Variants in DDAH1 observed in about 807,000 individuals in gnomAD.
DDAH1 encodes N(G),N(G)-dimethylarginine dimethylaminohydrolase 1.
DDAH1 carries 19 observed loss-of-function variants against 28.8 expected under a neutral mutation model. That is an observed-to-expected ratio of 0.66 (90% CI 0.46 to 0.97). The LOEUF (loss-of-function observed/expected upper bound fraction) is 0.97. Ranked by LOEUF, DDAH1 falls within the 50% of genes least tolerant of loss-of-function variation. The pLI is 0.00. For synonymous variants in DDAH1, 153 were observed against 154.4 expected (o/e 0.99, Z 0.07); for missense variants, 326 against 375.9 (o/e 0.87, Z 1.10).
chr1:85,431,263 G>T (rs1372423202), intron 1 of DDAH1, among the ~76,000 whole-genome samples: 1 of 152,120 alleles, frequency 6.6e-6, no homozygotes, highest in Non-Finnish European at 1.5e-5. Flanking sequence ...TGGTGGATAA[G>T]CTTTTTGATG....
chr1:85,450,912 T>C (rs756620740), intron 1 of DDAH1, among the ~76,000 whole-genome samples: 11 of 152,218 alleles, frequency 7.2e-5, no homozygotes, highest in Non-Finnish European at 1.3e-4. Context: ...CTCTAAGTAT[T>C]CATTCACTTA....
At chr1:85,538,190 A>T (rs370862772) in intron 1 of DDAH1, among the ~76,000 whole-genome samples, 7,764 of 152,334 alleles carry the variant, frequency 0.051, 305 homozygotes, top group African/African-American at 0.11. Context: ...AATGCATTCA[A>T]CATAAGTTAT....
chr1:85,393,654 C>T (rs1448448177), intron 1 of DDAH1, among the ~76,000 whole-genome samples: 2 of 152,188 alleles, frequency 1.3e-5, no homozygotes, highest in Non-Finnish European at 2.9e-5. Flanking sequence ...ATTCACATAA[C>T]AAACCTTAAC....
chr1:85,377,424 ATGGCATCAAATGAG>A (rs1363489907), intron 1 of DDAH1, among the ~76,000 whole-genome samples: 1 of 152,116 alleles, frequency 6.6e-6, no homozygotes, highest in Non-Finnish European at 1.5e-5. Context: ...TCATCATTTC[ATGGCATCAAATGAG>A]GAGCCATCTG....
At chr1:85,564,343 A>T (rs1557765315) in intron 1 of DDAH1, among the ~76,000 whole-genome samples, 1 of 152,218 alleles carries the variant, frequency 6.6e-6, no homozygotes, top group East Asian at 1.9e-4. Flanking sequence ...AAAAGTAAAA[A>T]ACAAAGAGAG....
rs577112315 is a variant in DDAH1, at chr1:85,334,178, C to A, written c.598-9295G>T. Reference sequence around the variant, plus strand: ...ATGGTTTGATAAGTGTTTGGTAGTTCCTCCTGCATTCATTCTCCTTCCTGC... The same window carrying A: ...ATGGTTTGATAAGTGTTTGGTAGTTACTCCTGCATTCATTCTCCTTCCTGC... On this transcript the variant is annotated intron_variant, in intron 4 of 5. Coordinates refer to ENST00000284031, the MANE Select transcript of DDAH1 (RefSeq NM_012137.4). Among the ~76,000 whole-genome samples the A allele has an allele frequency of 8.2e-4, 125 of 152,224 alleles. 1 individual carries two copies. In the Middle Eastern group the frequency reaches 0.01, roughly 12 times the overall value.
rs138793993 is a variant in DDAH1, at chr1:85,519,312, G to A, written c.-122-23031C>T. Among the ~76,000 whole-genome samples, 1,240 of 152,136 alleles carry A rather than the reference G, an allele frequency of 8.2e-3. 24 individuals carry two copies. The highest frequency in any genetic ancestry group is 0.029 in the African/African-American group (1,192 of 41,518). On this transcript the variant is annotated intron_variant, in intron 1 of 6. Transcript: ENST00000426972. ...GGGGTTTCACCGTGTTAGCCAGGAT[G>A]GTCTCGATATCCTGACCTCGTGATC...
intron 2 of DDAH1, among the ~76,000 whole-genome samples, chr1:85,480,718 T>C (rs980474857): frequency 3.9e-5 from 6 of 152,080 alleles, no homozygotes; most frequent in African/African-American, 9.7e-5. Context: ...CACTCCAACC[T>C]GGGCGATAGA....
chr1:85,550,082 T>C (rs1422739151), intron 1 of DDAH1, among the ~76,000 whole-genome samples: 2 of 152,192 alleles, frequency 1.3e-5, no homozygotes, highest in Non-Finnish European at 2.9e-5. Context: ...TCCTGGGAAA[T>C]TGCAAGTCAA....
At chr1:85,552,136 G>T (rs571552957) in intron 1 of DDAH1, among the ~76,000 whole-genome samples, 6 of 152,276 alleles carry the variant, frequency 3.9e-5, no homozygotes, top group South Asian at 4.1e-4. Flanking sequence ...AATAGTACTG[G>T]TTTCAGCTAT....
chr1:85,346,678 G>A (rs996638218), intron 4 of DDAH1, among the ~76,000 whole-genome samples: 7 of 152,098 alleles, frequency 4.6e-5, no homozygotes, highest in African/African-American at 1.7e-4. Context: ...TGATATATTT[G>A]TCTCTATTCA....
intron 1 of DDAH1, among the ~76,000 whole-genome samples, chr1:85,544,924 G>A (rs1484432212): frequency 6.6e-6 from 1 of 152,174 alleles, no homozygotes; most frequent in Non-Finnish European, 1.5e-5. Context: ...GATAGCAACA[G>A]TGGGGTTCAT....
intron 1 of DDAH1, among the ~76,000 whole-genome samples, chr1:85,519,816 A>G (rs1418793449): frequency 1.3e-5 from 2 of 152,216 alleles, no homozygotes; most frequent in Non-Finnish European, 2.9e-5. Flanking sequence ...ACAGAAAGAT[A>G]CATATTTAGT....
intron 4 of DDAH1, among the ~76,000 whole-genome samples, chr1:85,339,765 GATACTTATC>G (rs1309152959): frequency 6.6e-6 from 1 of 152,126 alleles, no homozygotes; most frequent in African/African-American, 2.4e-5. Context: ...CAAGCAATAG[GATACTTATC>G]AACACCTACG....
intron 1 of DDAH1, among the ~76,000 whole-genome samples, chr1:85,566,543 A>G (rs1036596069): frequency 6.6e-6 from 1 of 152,012 alleles, no homozygotes; most frequent in Non-Finnish European, 1.5e-5. Context: ...AGAATGTCAC[A>G]TTGAATAAGA....
At chr1:85,334,922 T>C (rs1648013137) in intron 4 of DDAH1, among the ~76,000 whole-genome samples, 1 of 152,260 alleles carries the variant, frequency 6.6e-6, no homozygotes, top group East Asian at 1.9e-4. Flanking sequence ...AAGGGTACTA[T>C]ATCCATCCAG....
intron 2 of DDAH1, among the ~76,000 whole-genome samples, chr1:85,353,373 G>A (rs534260735): frequency 4.1e-4 from 62 of 152,252 alleles, no homozygotes; most frequent in African/African-American, 1.4e-3. Flanking sequence ...CCATGCAGAA[G>A]TGCTTGATAG....
chr1:85,483,075 G>A (rs190600525), intron 2 of DDAH1, among the ~76,000 whole-genome samples: 81 of 151,952 alleles, frequency 5.3e-4, no homozygotes, highest in African/African-American at 1.5e-3. Context: ...AAAACTGTGC[G>A]TGGTGGCACA....
At chr1:85,566,968 C>T (rs546638917) in intron 1 of DDAH1, among the ~76,000 whole-genome samples, 2 of 152,290 alleles carry the variant, frequency 1.3e-5, no homozygotes, top group African/African-American at 4.8e-5. Flanking sequence ...TATGAAGAAT[C>T]AATGTGTCAG....
Sources: gnomAD v4.1 joint callset for allele counts (sites outside exome capture counted in the v4.1 genomes callset) on GRCh38, gnomAD v4.1.1 for gene constraint, MANE v1.5 for transcripts, NCBI Gene and HGNC (gene_info 2026-07-23, HGNC 2026-07-21) for gene names.